The following TRPA1 variants were observed in gnomAD, a reference collection of about 807,000 sequenced individuals.
TRPA1 encodes ankyrin-like with transmembrane domains 1.
TRPA1 carries 129 observed loss-of-function variants against 131.3 expected under a neutral mutation model. That is an observed-to-expected ratio of 0.98 (90% confidence interval 0.85 to 1.14). TRPA1 has a LOEUF of 1.14. Ranked by LOEUF, TRPA1 falls within the 50% of genes most tolerant of loss-of-function variation. The pLI is 0.00. For synonymous variants in TRPA1, 441 were observed against 451.7 expected (o/e 0.98, Z 0.30); for missense variants, 1,304 against 1,354.2 (o/e 0.96, Z 0.58).
At position 72,075,521 on chromosome 8, in the gene TRPA1, C is replaced by G. The variant is rs1277805774; in HGVS notation, c.-112G>C. The G allele has an allele frequency of 5.7e-6, 5 of 872,672 alleles. No homozygotes were observed. The highest frequency in any genetic ancestry group is 9.5e-6 in the Non-Finnish European group (5 of 529,078). The allele number at this position is 872,672 out of a possible 1,614,324, so 54.1% of individuals were successfully genotyped here. On this transcript the variant is annotated 5_prime_UTR_variant, in exon 1 of 27. Transcript: ENST00000262209. ...GCTGGGGTCCGCGCGAGCCCGAGCT[C>G]TCCCGCGCTGCAGCTCACAGGCAGC...
At chr8:72,041,613 A>G (rs1267189422) in intron 17 of TRPA1, among the ~76,000 whole-genome samples, 2 of 151,962 alleles carry the variant, frequency 1.3e-5, no homozygotes, top group East Asian at 3.8e-4. Context: ...TTAAACAGCA[A>G]ATAGGTCAAA....
chr8:72,024,958 T>A (rs1405937875), intron 25 of TRPA1, among the ~76,000 whole-genome samples: 2 of 152,188 alleles, frequency 1.3e-5, no homozygotes, highest in African/African-American at 4.8e-5. Context: ...GTCGTAGAGA[T>A]GAAGGGAGCC....
chr8:72,075,655 G>C, upstream of TRPA1: 1 of 549,746 alleles, frequency 1.8e-6, no homozygotes, highest in Non-Finnish European at 3.3e-6. Flanking sequence ...AGGTAGAAAC[G>C]CGGAGCTCCT....
Position 72,067,961 on chromosome 8 carries a change from G to A in TRPA1, c.444+1062C>T, listed in dbSNP as rs116911830. On this transcript the variant is annotated intron_variant, in intron 3 of 26. Transcript: ENST00000262209. The stretch of plus-strand genomic sequence containing the variant: ...CAGTGCTGAGGAATAAGAGATACTT[G>A]AATTAGTAAGACACACCTCTTCCCT... 1.9e-3 allele frequency among the ~76,000 whole-genome samples: 289 copies of A among 152,274 alleles called. 1 individual carries two copies. The highest frequency in any genetic ancestry group is 3.2e-3 in the Admixed American group (49 of 15,298).
intron 17 of TRPA1, among the ~76,000 whole-genome samples, chr8:72,044,228 G>T (rs1812351827): frequency 6.7e-6 from 1 of 149,824 alleles, no homozygotes; most frequent in Admixed American, 6.7e-5. Flanking sequence ...AAACTGGCAA[G>T]ATCTAGCTAT....
chr8:72,084,992 G>T, the TRPA1 span, among the ~76,000 whole-genome samples: 1 of 152,054 alleles, frequency 6.6e-6, no homozygotes, highest in Non-Finnish European at 1.5e-5. Context: ...TGTCTCATCA[G>T]TGTTGAAAAA....
chr8:72,079,694 G>A (rs2129437377), upstream of TRPA1, among the ~76,000 whole-genome samples: 1 of 152,014 alleles, frequency 6.6e-6, no homozygotes, highest in Middle Eastern at 3.4e-3. Flanking sequence ...CTTGATGGCT[G>A]ATGAAGCATT....
rs1181631081 is a variant in TRPA1 at position 72,023,894 on chromosome 8, T to TA, written c.3068dup (p.Leu1023PhefsTer15). 2.0e-5 allele frequency: 31 copies of TA among 1,589,278 alleles called. No individual in the cohort carries two copies. The highest frequency in any genetic ancestry group is 3.3e-5 in the Admixed American group (2 of 59,842). On this transcript the variant is annotated frameshift_variant, in exon 26 of 27. Transcript: ENST00000262209. LOFTEE classifies it high-confidence loss of function. ...CTTGTCTTATTTCCCCAGTGCAAAA[T>TA]AAAAAACAGAATATATGCTGTCGGA...
At chr8:72,053,007 A>AAGAGAGAAAG (rs1554536537) in intron 13 of TRPA1, 6 of 232,046 alleles carry the variant, frequency 2.6e-5, no homozygotes, top group African/African-American at 1.7e-4. Flanking sequence ...GAGATAGAGA[A>AAGAGAGAAAG]AGAGAGAGAG....
At chr8:72,080,015 A>T (rs1302354597), upstream of TRPA1, among the ~76,000 whole-genome samples, 1 of 152,004 alleles carries the variant, frequency 6.6e-6, no homozygotes, top group Non-Finnish European at 1.5e-5. Context: ...TTTCTACAGT[A>T]TTACTAACTT....
intron 20 of TRPA1, among the ~76,000 whole-genome samples, chr8:72,036,974 T>C (rs13249568): frequency 0.23 from 35,734 of 152,150 alleles, 4,483 homozygotes; most frequent in Middle Eastern, 0.45. Context: ...TAAATATCAA[T>C]AAGAAAATGT....
chr8:72,044,088 G>A (rs1437417759), intron 17 of TRPA1, among the ~76,000 whole-genome samples: 2 of 151,248 alleles, frequency 1.3e-5, no homozygotes, highest in Non-Finnish European at 3.0e-5. Context: ...CATTTGAAAA[G>A]TAATTGAGAT....
In TRPA1 at chr8:72,033,679, T is replaced by C; in HGVS notation, c.2833A>G (p.Thr945Ala). ...ATGAGGACAATTGGGACAAATATTG[T>C]GAAGGAAACAAGTTGTGCAAAGGAC... ...VLSFAQLVSF[T>A]IFVPIVLMNL... The change falls in exon 23 of 27, where the codon ACA (threonine) becomes GCA (alanine). Residue 945 changes from threonine to alanine, a missense_variant. Transcript: ENST00000262209. The C allele has an allele frequency of 4.3e-6, 7 of 1,614,060 alleles. No individual in the cohort carries two copies. Among genetic ancestry groups the C allele is most frequent in the South Asian group, 1.1e-5 (1 of 91,064 alleles).
rs747495388 is a variant in TRPA1 at position 72,023,912 on chromosome 8, C to G, written c.3052-1G>C. 5.8e-6 allele frequency: 9 copies of G among 1,560,854 alleles called. No homozygotes were observed. Among genetic ancestry groups the G allele is most frequent in the Non-Finnish European group, 7.9e-6 (9 of 1,132,738 alleles). The stretch of plus-strand genomic sequence containing the variant: ...TGCAAAATAAAAAACAGAATATATG[C>G]TGTCGGATAAAAAATAGTAGTTACT... On this transcript the variant is annotated splice_acceptor_variant, in intron 25 of 26. Transcript: ENST00000262209. LOFTEE classifies it high-confidence loss of function.
chr8:72,060,696 C>T (rs1805786782), intron 7 of TRPA1, among the ~76,000 whole-genome samples: 1 of 151,884 alleles, frequency 6.6e-6, no homozygotes, highest in Non-Finnish European at 1.5e-5. Flanking sequence ...GTAAATTTGT[C>T]TTTGGTCAAC....
At chr8:72,075,986 G>A (rs767391749), upstream of TRPA1, among the ~76,000 whole-genome samples, 1 of 151,830 alleles carries the variant, frequency 6.6e-6, no homozygotes, top group Non-Finnish European at 1.5e-5. Flanking sequence ...GTTTTCAGGA[G>A]TTTTTTCTAA....
chr8:72,065,045 A>G (rs576402964), intron 4 of TRPA1, among the ~76,000 whole-genome samples: 7 of 152,324 alleles, frequency 4.6e-5, no homozygotes, highest in Admixed American at 3.3e-4. Flanking sequence ...TTATGGGCCA[A>G]ATAAGTCTGC....
At chr8:72,046,326 C>G (rs116154244) in intron 17 of TRPA1, among the ~76,000 whole-genome samples, 187 bp downstream of exon 17, 1 of 151,926 alleles carries the variant, frequency 6.6e-6, no homozygotes, top group Admixed American at 6.6e-5. Flanking sequence ...ACATTTTAGA[C>G]TATTGTATCA....
At chr8:72,089,246 G>A in the TRPA1 span, among the ~76,000 whole-genome samples, 4 of 152,032 alleles carry the variant, frequency 2.6e-5, no homozygotes, top group Admixed American at 6.6e-5. Flanking sequence ...AGATATAGTA[G>A]ATTTCTCTAA....
Sources: gnomAD v4.1 joint callset for allele counts (sites outside exome capture counted in the v4.1 genomes callset) on GRCh38, gnomAD v4.1.1 for gene constraint, MANE v1.5 for transcripts, NCBI Gene and HGNC (gene_info 2026-07-23, HGNC 2026-07-21) for gene names.